PELI2: variants seen among roughly 807,000 people sequenced by gnomAD.
The protein encoded by PELI2 is pellino E3 ubiquitin protein ligase family member 2.
In PELI2, 23 loss-of-function variants were observed where a neutral mutation model predicts 42.3. That is an observed-to-expected ratio of 0.54 (90% CI 0.39 to 0.77). The LOEUF (loss-of-function observed/expected upper bound fraction) is 0.77, where lower values mean the gene tolerates loss of function less well. PELI2 is among the 30% of genes least tolerant of loss of function. The pLI, the probability that PELI2 is intolerant of heterozygous loss-of-function variation, is 0.00. For synonymous variants in PELI2, 245 were observed against 212.2 expected (o/e 1.15, Z -1.34); for missense variants, 463 against 553.2 (o/e 0.84, Z 1.64).
chr14:56,238,556 C>T (rs1030598919), intron 2 of PELI2, among the ~76,000 whole-genome samples: 2 of 152,150 alleles, frequency 1.3e-5, no homozygotes, highest in Admixed American at 6.5e-5. Flanking sequence ...AAACCCTCAT[C>T]CCTCCGTGCT....
At chr14:56,259,014 CAG>C (rs1293430337) in intron 2 of PELI2, among the ~76,000 whole-genome samples, 3 of 151,870 alleles carry the variant, frequency 2.0e-5, no homozygotes, top group African/African-American at 7.2e-5. Context: ...AAAAATTAAA[CAG>C]AAACACTGCA....
chr14:56,264,522 T>G (rs1054868018), intron 2 of PELI2, among the ~76,000 whole-genome samples: 6 of 152,130 alleles, frequency 3.9e-5, no homozygotes, highest in South Asian at 2.1e-4. Flanking sequence ...GGAAAGATGG[T>G]AAAGTGGCTA....
chr14:56,153,843 G>A (rs1884454525), intron 1 of PELI2, among the ~76,000 whole-genome samples: 1 of 152,164 alleles, frequency 6.6e-6, no homozygotes, highest in Non-Finnish European at 1.5e-5. Context: ...GTTTGTGAAT[G>A]TAGGTATTTA....
chr14:56,121,766 T>C (rs1247041505), intron 1 of PELI2, among the ~76,000 whole-genome samples: 2 of 152,170 alleles, frequency 1.3e-5, no homozygotes, highest in Admixed American at 1.3e-4. Context: ...ATTTGCAAAA[T>C]ATGATTGGAT....
At chr14:56,246,557 G>A (rs1379088764) in intron 2 of PELI2, among the ~76,000 whole-genome samples, 1 of 152,178 alleles carries the variant, frequency 6.6e-6, no homozygotes, top group Admixed American at 6.5e-5. Flanking sequence ...TGGTCTACCA[G>A]TATTGATTAG....
chr14:56,176,909 T>C (rs1402590443), intron 1 of PELI2, among the ~76,000 whole-genome samples: 1 of 152,236 alleles, frequency 6.6e-6, no homozygotes, highest in Admixed American at 6.5e-5. Context: ...GTGTTCATCT[T>C]GATTTAAGTG....
intron 2 of PELI2, among the ~76,000 whole-genome samples, chr14:56,209,607 A>T (rs1886644171): frequency 6.6e-6 from 1 of 152,162 alleles, no homozygotes; most frequent in African/African-American, 2.4e-5. Flanking sequence ...ATGAATAAAA[A>T]TTTTTAATTT....
rs1890136971 is a variant in PELI2 at position 56,300,351 on chromosome 14, A to C, written c.*3185A>C. 6.6e-6 allele frequency: 1 copy of C among 152,400 alleles called. No individual in the cohort carries two copies. Among genetic ancestry groups the C allele is most frequent in the African/African-American group, 2.4e-5 (1 of 41,350 alleles). The allele number at this position is 152,400 out of a possible 1,614,324, so 9.4% of individuals were successfully genotyped here. A position where few individuals can be genotyped will look rare whatever the true frequency, so the allele number is the denominator to read the frequency against. ...CATAAACATGATTGTAGTAGAATTT[A>C]TTTTCCAGTACCAATAGGGAAATTA... is the stretch of plus-strand genomic sequence containing the variant. On this transcript the variant is annotated 3_prime_UTR_variant, in exon 6 of 6. Coordinates refer to ENST00000267460, the MANE Select transcript of PELI2 (RefSeq NM_021255.3).
chr14:56,213,337 A>G (rs762249430), intron 2 of PELI2, among the ~76,000 whole-genome samples: 2 of 152,212 alleles, frequency 1.3e-5, no homozygotes, highest in Non-Finnish European at 2.9e-5. Flanking sequence ...CCCAGGCAGA[A>G]GCTTTGCACA....
At chr14:56,210,789 A>C (rs144807595) in intron 2 of PELI2, among the ~76,000 whole-genome samples, 1 of 152,214 alleles carries the variant, frequency 6.6e-6, no homozygotes, top group Non-Finnish European at 1.5e-5. Flanking sequence ...GTCAGCCTTC[A>C]GTCTGGGTCC....
At chr14:56,141,667 G>T (rs1024848836) in intron 1 of PELI2, among the ~76,000 whole-genome samples, 1 of 152,166 alleles carries the variant, frequency 6.6e-6, no homozygotes, top group African/African-American at 2.4e-5. Context: ...AGTGAGGCAA[G>T]CAGGGAAAAT....
chr14:56,204,750 G>A (rs1886452903), intron 2 of PELI2, among the ~76,000 whole-genome samples: 1 of 152,032 alleles, frequency 6.6e-6, no homozygotes, highest in Admixed American at 6.5e-5. Context: ...GGTCTGGAGG[G>A]TGGGAAGAGA....
intron 2 of PELI2, among the ~76,000 whole-genome samples, chr14:56,264,278 C>T (rs1172851042): frequency 6.6e-6 from 1 of 152,152 alleles, no homozygotes; most frequent in Non-Finnish European, 1.5e-5. Flanking sequence ...TTCCCCCAAC[C>T]ATGGTGTTGA....
At chr14:56,186,912 T>C (rs1429027967) in intron 2 of PELI2, among the ~76,000 whole-genome samples, 1 of 152,206 alleles carries the variant, frequency 6.6e-6, no homozygotes, top group African/African-American at 2.4e-5. Context: ...CTCAAACTTA[T>C]TTGAATTATG....
intron 1 of PELI2, among the ~76,000 whole-genome samples, chr14:56,169,387 G>C (rs576279852): frequency 4.6e-5 from 7 of 152,208 alleles, no homozygotes; most frequent in Non-Finnish European, 8.8e-5. Flanking sequence ...CTGGATAGGC[G>C]ATTGGCCAGG....
At chr14:56,260,522 G>A (rs1406199201) in intron 2 of PELI2, among the ~76,000 whole-genome samples, 1 of 152,102 alleles carries the variant, frequency 6.6e-6, no homozygotes, top group African/African-American at 2.4e-5. Context: ...TTGGGGTGAC[G>A]GGACAGTTCT....
chr14:56,248,093 TC>T (rs1888223127), intron 2 of PELI2, among the ~76,000 whole-genome samples: 1 of 152,190 alleles, frequency 6.6e-6, no homozygotes, highest in Non-Finnish European at 1.5e-5. Flanking sequence ...TTTAGCACGA[TC>T]AGATTGAATA....
chr14:56,251,775 T>C (rs1007711936), intron 2 of PELI2, among the ~76,000 whole-genome samples: 3 of 152,226 alleles, frequency 2.0e-5, no homozygotes, highest in Non-Finnish European at 4.4e-5. Flanking sequence ...AAATGTTAGC[T>C]GTGCTAATTA....
intron 2 of PELI2, among the ~76,000 whole-genome samples, chr14:56,187,331 A>C (rs966952674): frequency 1.3e-5 from 2 of 152,230 alleles, no homozygotes; most frequent in Non-Finnish European, 2.9e-5. Flanking sequence ...TAGACCTACA[A>C]GGGACAAGTT....
Sources: gnomAD v4.1 joint callset for allele counts (sites outside exome capture counted in the v4.1 genomes callset) on GRCh38, gnomAD v4.1.1 for gene constraint, MANE v1.5 for transcripts, NCBI Gene and HGNC (gene_info 2026-07-23, HGNC 2026-07-21) for gene names.